Variants in EPM2A observed in about 807,000 individuals in gnomAD.
EPM2A encodes EPM2A glucan phosphatase, laforin, also known as laforin.
Under a neutral mutation model 26.5 loss-of-function variants are expected in EPM2A, and 21 were observed. The observed-to-expected ratio is 0.79, with a 90% CI of 0.56 to 1.14. The LOEUF is 1.14. Among genes scored for constraint, EPM2A ranks in the 50% most tolerant of loss-of-function variants. The probability of loss-of-function intolerance (pLI) is 0.00; values close to 1 mark genes in which losing one functional copy is unlikely to be tolerated. For synonymous variants in EPM2A, 217 were observed against 177.6 expected, an observed-to-expected ratio of 1.22 and a Z score of -1.76; for missense variants, 458 against 440.8, an observed-to-expected ratio of 1.04 and a Z score of -0.35.
At chr6:145,534,667 C>T (rs1780406815) in intron 2 of EPM2A, among the ~76,000 whole-genome samples, 1 of 152,232 alleles carries the variant, frequency 6.6e-6, no homozygotes, top group South Asian at 2.1e-4. Flanking sequence ...ACTAGCTCTC[C>T]TCCCTTAACT....
chr6:145,663,276 C>G (rs974845518), intron 2 of EPM2A, among the ~76,000 whole-genome samples: 2 of 152,128 alleles, frequency 1.3e-5, no homozygotes, highest in African/African-American at 4.8e-5. Context: ...CGAATAGGAA[C>G]AGCTCCAGTC....
chr6:145,510,481 C>T (rs527624611), intron 2 of EPM2A, among the ~76,000 whole-genome samples: 1 of 152,192 alleles, frequency 6.6e-6, no homozygotes, highest in Non-Finnish European at 1.5e-5. Flanking sequence ...ACCACTTGCT[C>T]CTGAATGACT....
chr6:145,398,687 C>A (rs2114664548), intron 4 of EPM2A, among the ~76,000 whole-genome samples: 1 of 152,052 alleles, frequency 6.6e-6, no homozygotes, highest in East Asian at 1.9e-4. Context: ...TGGCGAAACC[C>A]CATCTCTACC....
chr6:145,493,743 T>A (rs1779784457), intron 4 of EPM2A, among the ~76,000 whole-genome samples: 1 of 152,236 alleles, frequency 6.6e-6, no homozygotes. Context: ...TCTATTGAGA[T>A]AATCACGTGC....
chr6:145,401,741 C>A (rs985745606), intron 4 of EPM2A, among the ~76,000 whole-genome samples: 13 of 152,076 alleles, frequency 8.5e-5, no homozygotes, highest in African/African-American at 3.1e-4. Flanking sequence ...TACATCTGAA[C>A]ATCTTTTTGT....
intron 4 of EPM2A, among the ~76,000 whole-genome samples, chr6:145,399,797 C>A (rs568769565): frequency 7.2e-5 from 11 of 152,084 alleles, no homozygotes; most frequent in African/African-American, 2.4e-4. Flanking sequence ...CCAAATAAAC[C>A]AAATGGTTAC....
intron 1 of EPM2A, among the ~76,000 whole-genome samples, chr6:145,722,473 A>T (rs974987041): frequency 2.0e-5 from 3 of 152,170 alleles, no homozygotes; most frequent in African/African-American, 7.2e-5. Flanking sequence ...CTCCCTAATA[A>T]GTTCTAGAGC....
chr6:145,442,947 G>A (rs549099751), intron 4 of EPM2A, among the ~76,000 whole-genome samples: 7 of 151,842 alleles, frequency 4.6e-5, no homozygotes, highest in South Asian at 2.1e-4. Flanking sequence ...TGCAAGCTGC[G>A]CCTCCTGGGT....
intron 2 of EPM2A, among the ~76,000 whole-genome samples, chr6:145,642,670 G>A (rs1462598531): frequency 6.6e-6 from 1 of 152,272 alleles, no homozygotes; most frequent in South Asian, 2.1e-4. Context: ...AAGACAGGAA[G>A]GTGCTCTCTG....
chr6:145,446,949 G>A (rs1779135722), intron 4 of EPM2A, among the ~76,000 whole-genome samples: 1 of 151,962 alleles, frequency 6.6e-6, no homozygotes, highest in African/African-American at 2.4e-5. Flanking sequence ...GCTTTAACAG[G>A]TGTTGTTGGT....
At chr6:145,590,096 T>A (rs576441118) in intron 2 of EPM2A, among the ~76,000 whole-genome samples, 2 of 152,204 alleles carry the variant, frequency 1.3e-5, no homozygotes, top group African/African-American at 4.8e-5. Context: ...CTACAAATTA[T>A]AGAAATACTT....
intron 2 of EPM2A, among the ~76,000 whole-genome samples, chr6:145,604,415 A>G (rs1332365111): frequency 6.6e-6 from 1 of 152,122 alleles, no homozygotes; most frequent in Non-Finnish European, 1.5e-5. Flanking sequence ...GATTTCTACT[A>G]AAGAATAAAA....
In EPM2A at chr6:145,560,244, AT is replaced by A. The variant is rs146633850; in HGVS notation, c.341-57670del. 9.2e-5 allele frequency among the ~76,000 whole-genome samples: 14 copies of A among 152,258 alleles called. No homozygotes were observed. In the East Asian group the frequency reaches 2.7e-3, roughly 29 times the overall value. ...TTAGGCTATATTCCACCAATTTTGA[AT>A]CTTTTCGATGCAATCCACACTTTTC... On this transcript the variant is annotated intron_variant, in intron 2 of 3. Transcript: ENST00000450221.
chr6:145,490,857 T>A (rs1779745628), intron 4 of EPM2A: 1 of 662,180 alleles, frequency 1.5e-6, no homozygotes, highest in Non-Finnish European at 2.8e-6. Context: ...TGCCCTTTTC[T>A]GTCACTTTGA....
intron 1 of EPM2A, among the ~76,000 whole-genome samples, chr6:145,733,946 A>AC (rs1445923549): frequency 6.6e-6 from 1 of 152,160 alleles, no homozygotes; most frequent in Non-Finnish European, 1.5e-5. Context: ...ACAACCTTGC[A>AC]CATTTCCTTT....
chr6:145,710,694 C>A lies in EPM2A; in HGVS notation c.302-24398G>T, dbSNP rs1457922388. On this transcript the variant is annotated intron_variant, in intron 1 of 3. Coordinates refer to ENST00000367519, the MANE Select transcript of EPM2A (RefSeq NM_005670.4). ...CATGTATGTTTATTGCGGCATTATT[C>A]ACAATAGCAAAGACTTGGAACCAAC... Among the ~76,000 whole-genome samples the A allele has an allele frequency of 4.6e-5, 7 of 152,146 alleles. No homozygotes were observed. In the East Asian group the frequency reaches 1.4e-3, roughly 29 times the overall value.
chr6:145,682,197 G>T (rs563142695), intron 2 of EPM2A, among the ~76,000 whole-genome samples: 1 of 152,236 alleles, frequency 6.6e-6, no homozygotes, highest in Non-Finnish European at 1.5e-5. Flanking sequence ...AGCAGACAAA[G>T]AGAGAGCATG....
intron 4 of EPM2A, among the ~76,000 whole-genome samples, chr6:145,431,289 C>G (rs996498108): frequency 2.0e-5 from 3 of 152,140 alleles, no homozygotes; most frequent in Non-Finnish European, 4.4e-5. Context: ...GAGTTACCAT[C>G]AAGAAAGGAG....
At chr6:145,684,538 G>C (rs965954653) in intron 2 of EPM2A, among the ~76,000 whole-genome samples, 2 of 152,046 alleles carry the variant, frequency 1.3e-5, no homozygotes, top group Non-Finnish European at 2.9e-5. Context: ...CAATATTTTT[G>C]CTTCTTCTCT....
Sources: allele counts gnomAD v4.1 joint callset (sites outside exome capture counted in the v4.1 genomes callset), GRCh38; gene constraint gnomAD v4.1.1; transcripts MANE v1.5; gene names NCBI Gene and HGNC (gene_info 2026-07-23, HGNC 2026-07-21).